Variants in RNF217 observed in about 807,000 individuals in gnomAD.
RNF217 encodes the protein E3 ubiquitin-protein ligase RNF217.
In RNF217, 31 loss-of-function variants were observed where a neutral mutation model predicts 57.8. The ratio of observed to expected loss-of-function variants is 0.54; its 90% CI spans 0.40 to 0.72. RNF217 has a LOEUF of 0.72. Among genes scored for constraint, RNF217 ranks in the 30% least tolerant of loss-of-function variants. The pLI is 0.00. For missense variants in RNF217, 696 were observed against 708.3 expected (o/e 0.98, Z 0.20); for synonymous variants, 313 against 294.0 (o/e 1.06, Z -0.66).
intron 1 of RNF217, among the ~76,000 whole-genome samples, chr6:125,009,668 T>C (rs1785345967): frequency 1.3e-5 from 2 of 152,090 alleles, no homozygotes; most frequent in Non-Finnish European, 2.9e-5. Context: ...TTTTAACCTC[T>C]GTTGTATGAT....
intron 3 of RNF217, among the ~76,000 whole-genome samples, chr6:125,063,302 T>G (rs1052054680): frequency 3.3e-5 from 5 of 152,202 alleles, no homozygotes; most frequent in Admixed American, 3.3e-4. Flanking sequence ...AAACAGTTAA[T>G]GAGCACTGTC....
chr6:125,067,758 C>T (rs1028494237), intron 3 of RNF217, among the ~76,000 whole-genome samples: 1 of 152,102 alleles, frequency 6.6e-6, no homozygotes, highest in Admixed American at 6.6e-5. Context: ...GCTCAGGAGC[C>T]AGGTCCTCAG....
chr6:125,035,947 T>A (rs1312891458), intron 1 of RNF217, among the ~76,000 whole-genome samples: 4 of 152,022 alleles, frequency 2.6e-5, no homozygotes, highest in Non-Finnish European at 5.9e-5. Context: ...CTGGGATACA[T>A]GTGCAGAATG....
chr6:124,996,790 T>C (rs1784770076), intron 1 of RNF217: 1 of 152,252 alleles, frequency 6.6e-6, no homozygotes. Flanking sequence ...AGTTTTAAAA[T>C]ATAACATTCC....
intron 1 of RNF217, among the ~76,000 whole-genome samples, chr6:125,007,177 T>C (rs1287426577): frequency 6.6e-6 from 1 of 152,166 alleles, no homozygotes; most frequent in Non-Finnish European, 1.5e-5. Flanking sequence ...GAATTGGTAT[T>C]GTTTACATCA....
At chr6:125,053,655 A>G (rs1402491384) in intron 2 of RNF217, among the ~76,000 whole-genome samples, 1 of 152,054 alleles carries the variant, frequency 6.6e-6, no homozygotes, top group Non-Finnish European at 1.5e-5. Flanking sequence ...GACTTGATGA[A>G]TTATCAGGAG....
chr6:125,022,651 T>C (rs1008223856), intron 1 of RNF217, among the ~76,000 whole-genome samples: 4 of 152,184 alleles, frequency 2.6e-5, no homozygotes, highest in African/African-American at 4.8e-5. Context: ...TATAAACCAG[T>C]GATCAAGGCC....
intron 1 of RNF217, among the ~76,000 whole-genome samples, chr6:125,043,326 G>A (rs1786960555): frequency 6.6e-6 from 1 of 151,736 alleles, no homozygotes; most frequent in South Asian, 2.1e-4. Flanking sequence ...CTTTTGTTTG[G>A]CTAAATCCTG....
intron 1 of RNF217, among the ~76,000 whole-genome samples, chr6:125,011,054 G>A (rs745312103): frequency 2.0e-5 from 3 of 152,122 alleles, no homozygotes; most frequent in Non-Finnish European, 2.9e-5. Context: ...GAAAGCAATC[G>A]TTTTGAAGGT....
At position 125,045,463 on chromosome 6, in the gene RNF217, G is replaced by A; in HGVS notation, c.1116+19G>A. On this transcript the variant is annotated intron_variant, in intron 2 of 5. Transcript: ENST00000521654. ...ATACAAAGTAAGCATTTTCACCAGAGCTGTGGGTTAGATGTCACATGGCAG... is the reference window on the plus strand; with the variant it reads ...ATACAAAGTAAGCATTTTCACCAGAACTGTGGGTTAGATGTCACATGGCAG... 6.3e-7 allele frequency: 1 copy of A among 1,590,856 alleles called. No homozygotes were observed. Among genetic ancestry groups the A allele is most frequent in the Non-Finnish European group, 8.6e-7 (1 of 1,162,410 alleles).
chr6:124,995,160 A>G (rs1262859668), intron 1 of RNF217, among the ~76,000 whole-genome samples: 1 of 152,216 alleles, frequency 6.6e-6, no homozygotes, highest in Admixed American at 6.5e-5. Flanking sequence ...ATTAAAAGTT[A>G]GTGTACTTTT....
chr6:125,080,349 T>A (rs1267935927), intron 4 of RNF217, among the ~76,000 whole-genome samples: 1 of 152,182 alleles, frequency 6.6e-6, no homozygotes, highest in African/African-American at 2.4e-5. Flanking sequence ...TGTATACATG[T>A]CTGGTCATCT....
At chr6:125,082,776 A>G (rs2114660569) in intron 5 of RNF217, 88 bp from the exon 6 acceptor site, 1 of 1,147,230 alleles carries the variant, frequency 8.7e-7, no homozygotes, top group Non-Finnish European at 1.3e-6. Context: ...ATGTTCGTAC[A>G]CTGCAAATAA....
In RNF217 at chr6:125,089,383, C is replaced by G. The variant is rs572214814; in HGVS notation, c.*6446C>G. 1.3e-5 allele frequency: 2 copies of G among 152,228 alleles called. No individual in the cohort carries two copies. Among genetic ancestry groups the G allele is most frequent in the Admixed American group, 6.5e-5 (1 of 15,280 alleles). The allele number at this position is 152,228 out of a possible 1,614,324, so 9.4% of individuals were successfully genotyped here. On this transcript the variant is annotated 3_prime_UTR_variant, in exon 6 of 6. Transcript: ENST00000521654. ...AAGGGTTATAGGTATGGTTTATGGT[C>G]TTTGTTTCAGCAAAACGTCCTACAG...
At chr6:124,999,165 C>G (rs2114266033) in intron 1 of RNF217, among the ~76,000 whole-genome samples, 1 of 152,308 alleles carries the variant, frequency 6.6e-6, no homozygotes, top group East Asian at 1.9e-4. Flanking sequence ...CCTAGTGGCC[C>G]CTAGTCCAGT....
chr6:125,007,200 G>A (rs764265554), intron 1 of RNF217, among the ~76,000 whole-genome samples: 32 of 150,956 alleles, frequency 2.1e-4, no homozygotes, highest in Non-Finnish European at 3.8e-4. Context: ...TTTTCATGCA[G>A]CCTTCTTCTT....
At chr6:125,031,465 A>ACCCAAGTCAACTC (rs1334165196) in intron 1 of RNF217, among the ~76,000 whole-genome samples, 1 of 152,174 alleles carries the variant, frequency 6.6e-6, no homozygotes. Flanking sequence ...GTCAACTCTT[A>ACCCAAGTCAACTC]AATGCTTTGC....
chr6:125,081,554 T>C (rs187672875), intron 5 of RNF217, 47 bp downstream of exon 5: 2 of 1,430,536 alleles, frequency 1.4e-6, no homozygotes, highest in East Asian at 2.3e-5. Flanking sequence ...CTGAGGGCCA[T>C]AGAGAGAATA....
chr6:125,081,624 C>T, intron 5 of RNF217, 117 bp downstream of exon 5: 1 of 791,256 alleles, frequency 1.3e-6, no homozygotes, highest in African/African-American at 1.8e-5. Context: ...TGTTGTATGC[C>T]TGCTTTAGAT....
Sources: allele counts gnomAD v4.1 joint callset (sites outside exome capture counted in the v4.1 genomes callset), GRCh38; gene constraint gnomAD v4.1.1; transcripts MANE v1.5; gene names NCBI Gene and HGNC (gene_info 2026-07-23, HGNC 2026-07-21).